Variants in TAB2 observed in about 807,000 individuals in gnomAD.
The protein encoded by TAB2 is TGF-beta activated kinase 1 (MAP3K7) binding protein 2, also known as TGF-beta-activated kinase 1 and MAP3K7-binding protein 2.
In TAB2, 3 loss-of-function variants were observed where a neutral mutation model predicts 65.0. The observed-to-expected ratio is 0.05, with a 90% CI of 0.02 to 0.12. The LOEUF is 0.12. TAB2 is among the 10% of genes least tolerant of loss of function. The pLI is 1.00. For missense variants in TAB2, 623 were observed against 840.3 expected (o/e 0.74, Z 3.20); for synonymous variants, 298 against 285.1 (o/e 1.05, Z -0.46).
intron 3 of TAB2, 70 bp downstream of exon 3, chr6:149,379,588 A>G (rs1354319464): frequency 1.5e-5 from 21 of 1,425,608 alleles, no homozygotes; most frequent in Non-Finnish European, 2.0e-5. Flanking sequence ...ATTTCACAAC[A>G]GAAATGGATG....
In TAB2 at chr6:149,260,405, G is replaced by A. The variant is rs75335968; in HGVS notation, c.-121+41629G>A. Among the ~76,000 whole-genome samples, 530 of 152,330 alleles carry A rather than the reference G, an allele frequency of 3.5e-3. 3 individuals are homozygous for A. Among genetic ancestry groups the A allele is most frequent in the African/African-American group, 0.012 (504 of 41,568 alleles). On this transcript the variant is annotated intron_variant, in intron 1 of 1. Transcript: ENST00000606202. Reference sequence around the variant, plus strand: ...GGGGAGTGCGGTACAAGGCCTTACCGGGCATTTGCTCAGCTAAAAATAAAG... The same window carrying A: ...GGGGAGTGCGGTACAAGGCCTTACCAGGCATTTGCTCAGCTAAAAATAAAG...
intron 1 of TAB2, among the ~76,000 whole-genome samples, chr6:149,268,286 A>T (rs1236778590): frequency 6.6e-6 from 1 of 152,206 alleles, no homozygotes; most frequent in Non-Finnish European, 1.5e-5. Flanking sequence ...CAGCCATCCC[A>T]TTAGCATTCC....
chr6:149,369,684 T>C (rs1198566567), intron 1 of TAB2, among the ~76,000 whole-genome samples: 2 of 152,244 alleles, frequency 1.3e-5, no homozygotes, highest in Middle Eastern at 3.2e-3. Flanking sequence ...TCAGCCATTA[T>C]AGAGCATATA....
intron 1 of TAB2, among the ~76,000 whole-genome samples, chr6:149,237,512 C>A (rs550885880): frequency 6.6e-6 from 1 of 152,200 alleles, no homozygotes; most frequent in Non-Finnish European, 1.5e-5. Flanking sequence ...TACCAAGGTG[C>A]CAAATCCAGG....
At chr6:149,302,342 G>A (rs1315162114) in intron 1 of TAB2, among the ~76,000 whole-genome samples, 2 of 152,012 alleles carry the variant, frequency 1.3e-5, no homozygotes, top group East Asian at 3.9e-4. Context: ...CATTTTCCAG[G>A]TTTTCTAAAA....
intron 3 of TAB2, among the ~76,000 whole-genome samples, chr6:149,386,153 C>T (rs749178676): frequency 1.4e-4 from 21 of 152,062 alleles, no homozygotes; most frequent in Non-Finnish European, 2.1e-4. Context: ...TGTGAACACA[C>T]GGGATTATAT....
At chr6:149,311,904 A>G (rs1779172582) in intron 1 of TAB2, among the ~76,000 whole-genome samples, 1 of 152,254 alleles carries the variant, frequency 6.6e-6, no homozygotes, top group South Asian at 2.1e-4. Flanking sequence ...TGTATTGACC[A>G]CCCAAGCTCA....
intron 1 of TAB2, among the ~76,000 whole-genome samples, chr6:149,347,861 G>A (rs990108115): frequency 3.3e-5 from 5 of 151,894 alleles, no homozygotes; most frequent in African/African-American, 1.2e-4. Context: ...TAATGTAAAA[G>A]GTATTTAAAT....
chr6:149,333,741 G>GTGTGTGTGTGTC (rs1340808753), intron 1 of TAB2, among the ~76,000 whole-genome samples: 2 of 150,898 alleles, frequency 1.3e-5, no homozygotes, highest in East Asian at 3.9e-4. Flanking sequence ...GTGTGTGTGT[G>GTGTGTGTGTGTC]TGTGTCTATG....
At chr6:149,396,684 C>T (rs534778985) in intron 3 of TAB2, among the ~76,000 whole-genome samples, 3 of 152,270 alleles carry the variant, frequency 2.0e-5, no homozygotes, top group South Asian at 2.1e-4. Context: ...ATTATGGTTT[C>T]CCAAGTAGTT....
intron 1 of TAB2, among the ~76,000 whole-genome samples, chr6:149,280,064 A>G (rs1055559983): frequency 2.0e-5 from 3 of 152,170 alleles, no homozygotes; most frequent in African/African-American, 2.4e-5. Context: ...TTATTGCTAT[A>G]TATACTTCCT....
At chr6:149,376,348 T>C (rs1201898311) in intron 2 of TAB2, among the ~76,000 whole-genome samples, 1 of 152,222 alleles carries the variant, frequency 6.6e-6, no homozygotes, top group African/African-American at 2.4e-5. Context: ...AGTCAAACTC[T>C]AGCGTGACTT....
intron 1 of TAB2, among the ~76,000 whole-genome samples, chr6:149,344,881 A>G (rs1288155522): frequency 1.3e-5 from 2 of 152,328 alleles, no homozygotes; most frequent in South Asian, 2.1e-4. Context: ...TACATGTTTA[A>G]GGCATTTAGC....
At position 149,321,733 on chromosome 6, in the gene TAB2, G is replaced by C. The variant is rs78012710; in HGVS notation, c.-90+3718G>C. Among the ~76,000 whole-genome samples, 992 of 152,276 alleles carry C rather than the reference G, an allele frequency of 6.5e-3. 4 individuals are homozygous for C. Among genetic ancestry groups the C allele is most frequent in the Middle Eastern group, 0.017 (5 of 294 alleles). On this transcript the variant is annotated intron_variant, in intron 1 of 6. Transcript: ENST00000637181. ...AAAAGGAGTGAGCAGAGTGAGAAGT[G>C]TCAGCTGACAAGTGATGTTTCAGGA... is the stretch of plus-strand genomic sequence containing the variant.
chr6:149,300,428 G>A (rs1479619080), intron 1 of TAB2, among the ~76,000 whole-genome samples: 1 of 152,144 alleles, frequency 6.6e-6, no homozygotes, highest in Non-Finnish European at 1.5e-5. Context: ...ATCAGTTTCT[G>A]CACAGATAAA....
intron 1 of TAB2, among the ~76,000 whole-genome samples, chr6:149,348,039 G>A (rs1036774218): frequency 1.3e-5 from 2 of 152,170 alleles, no homozygotes; most frequent in Non-Finnish European, 2.9e-5. Flanking sequence ...CTGTTTAAGA[G>A]TAATTCATGG....
At chr6:149,357,079 T>G (rs1780676877) in intron 1 of TAB2, among the ~76,000 whole-genome samples, 1 of 152,228 alleles carries the variant, frequency 6.6e-6, no homozygotes, top group Non-Finnish European at 1.5e-5. Flanking sequence ...CTTTATTATT[T>G]ACTTTTAATT....
intron 1 of TAB2, among the ~76,000 whole-genome samples, chr6:149,261,282 G>A (rs1778147435): frequency 6.6e-6 from 1 of 152,182 alleles, no homozygotes; most frequent in South Asian, 2.1e-4. Flanking sequence ...GAAGAGGCAT[G>A]TAAAAGCAGT....
Position 149,293,835 on chromosome 6 carries a change from G to C in TAB2, c.-121+75059G>C, listed in dbSNP as rs570554139. On this transcript the variant is annotated intron_variant, in intron 1 of 1. Transcript: ENST00000606202. ...GAACCATCATAGAAGCAGCTATTCT[G>C]CTATAACATAATAATTTAATTACTA... Among the ~76,000 whole-genome samples the C allele has an allele frequency of 9.3e-4, 141 of 152,188 alleles. 3 individuals carry two copies. Among genetic ancestry groups the C allele is most frequent in the Non-Finnish European group, 1.9e-4 (13 of 68,004 alleles).
Sources: gnomAD v4.1 joint callset for allele counts (sites outside exome capture counted in the v4.1 genomes callset) on GRCh38, gnomAD v4.1.1 for gene constraint, MANE v1.5 for transcripts, NCBI Gene and HGNC (gene_info 2026-07-23, HGNC 2026-07-21) for gene names.